The following SCN3A variants were observed in gnomAD, a reference collection of about 807,000 sequenced individuals.
The protein encoded by SCN3A is sodium channel protein type 3 subunit alpha.
Under a neutral mutation model 187.6 loss-of-function variants are expected in SCN3A, and 60 were observed. The observed-to-expected ratio is 0.32, with a 90% confidence interval of 0.26 to 0.40. The LOEUF (loss-of-function observed/expected upper bound fraction) is 0.40, where lower values mean the gene tolerates loss of function less well. Among genes scored for constraint, SCN3A ranks in the 10% least tolerant of loss-of-function variants. SCN3A has a pLI of 1.00. For synonymous variants in SCN3A, 788 were observed against 829.2 expected (o/e 0.95, Z 0.85); for missense variants, 1,601 against 2,428.2 (o/e 0.66, Z 7.16).
chr2:165,163,871 G>C (rs761496434), intron 6 of SCN3A, 162 bp from the exon 7 acceptor site: 6 of 1,613,716 alleles, frequency 3.7e-6, no homozygotes, highest in Non-Finnish European at 5.1e-6. Context: ...ACATTGCCTA[G>C]GCTTACAAAT....
intron 1 of SCN3A, among the ~76,000 whole-genome samples, chr2:165,197,378 T>C (rs1373581326): frequency 6.6e-6 from 1 of 152,112 alleles, no homozygotes; most frequent in Non-Finnish European, 1.5e-5. Flanking sequence ...ATTGCAGAGC[T>C]TTTAAGCAAA....
In SCN3A at chr2:165,146,699, C is replaced by T. The variant is rs1472517572; in HGVS notation, c.1671+40G>A. ...AAATACAAAAACTAAAAAGCAATAG[C>T]AATGACAAAGAAACCAGAGCACTTA... On this transcript the variant is annotated intron_variant, in intron 12 of 27. Transcript: ENST00000283254. The T allele has an allele frequency of 3.1e-6, 5 of 1,610,488 alleles. No individual in the cohort carries two copies. In the South Asian group the frequency reaches 3.3e-5, roughly 11 times the overall value.
At chr2:165,102,065 G>A (rs187135942) in intron 21 of SCN3A, among the ~76,000 whole-genome samples, 7 of 152,302 alleles carry the variant, frequency 4.6e-5, no homozygotes, top group Non-Finnish European at 8.8e-5. Context: ...CTTTTCCTCA[G>A]GAGGAATTAA....
chr2:165,177,285 G>T (rs1044210980), intron 2 of SCN3A, among the ~76,000 whole-genome samples: 1 of 152,082 alleles, frequency 6.6e-6, no homozygotes, highest in Non-Finnish European at 1.5e-5. Flanking sequence ...TACACTGTCC[G>T]TTCTAAACCC....
intron 21 of SCN3A, among the ~76,000 whole-genome samples, chr2:165,100,645 C>T (rs1685562976): frequency 6.6e-6 from 1 of 152,082 alleles, no homozygotes; most frequent in Admixed American, 6.5e-5. Flanking sequence ...TATTTATCAA[C>T]ACGTGTCAAT....
intron 9 of SCN3A, among the ~76,000 whole-genome samples, chr2:165,161,264 T>A (rs1310048470): frequency 6.6e-6 from 1 of 150,602 alleles, no homozygotes; most frequent in Non-Finnish European, 1.5e-5. Context: ...GTGTATTAAA[T>A]CATTAATCAT....
At chr2:165,160,642 T>C (rs2105882876) in intron 9 of SCN3A, among the ~76,000 whole-genome samples, 1 of 152,210 alleles carries the variant, frequency 6.6e-6, no homozygotes, top group Non-Finnish European at 1.5e-5. Flanking sequence ...TTAAATTTAT[T>C]AAAAAAATTT....
At chr2:165,155,662 G>C in intron 10 of SCN3A, 100 bp downstream of exon 10, 2 of 1,374,974 alleles carry the variant, frequency 1.5e-6, no homozygotes, top group Non-Finnish European at 2.1e-6. Flanking sequence ...GCCTCCCAAA[G>C]TGCTAGGGTT....
rs1397484257 is a variant in SCN3A at position 165,087,935 on chromosome 2, C to A, written c.*2215G>T. 6.6e-6 allele frequency: 1 copy of A among 152,098 alleles called. No individual in the cohort carries two copies. The highest frequency in any genetic ancestry group is 1.5e-5 in the Non-Finnish European group (1 of 67,986). 9.4% of individuals were successfully genotyped at this position (152,098 alleles called of 1,614,324 possible). Reference sequence around the variant, plus strand: ...GAACATGTGAACTTGATCCTTTGCACACATAAAAGTTCACAAAGCTGCTTT... The same window carrying A: ...GAACATGTGAACTTGATCCTTTGCAAACATAAAAGTTCACAAAGCTGCTTT... On this transcript the variant is annotated 3_prime_UTR_variant, in exon 28 of 28. Transcript: ENST00000283254.
chr2:165,130,404 C>A, intron 16 of SCN3A, 108 bp from the exon 17 acceptor site: 1 of 1,124,372 alleles, frequency 8.9e-7, no homozygotes, highest in South Asian at 1.3e-5. Context: ...TGTAAAAACT[C>A]AAAATATACT....
At chr2:165,152,999 G>GA (rs74343120) in intron 11 of SCN3A, among the ~76,000 whole-genome samples, 1,538 of 120,188 alleles carry the variant, frequency 0.013, 14 homozygotes, top group African/African-American at 0.041. Flanking sequence ...AAACAGCTTT[G>GA]AAAAAAAAAA....
intron 11 of SCN3A, among the ~76,000 whole-genome samples, chr2:165,150,537 T>A (rs764627128): frequency 6.6e-6 from 1 of 152,226 alleles, no homozygotes; most frequent in Non-Finnish European, 1.5e-5. Context: ...AAATTTTATA[T>A]GTATGAAGCT....
intron 2 of SCN3A, among the ~76,000 whole-genome samples, chr2:165,184,553 A>T (rs1691105890): frequency 6.6e-6 from 1 of 151,040 alleles, no homozygotes; most frequent in African/African-American, 2.4e-5. Context: ...AAGATTCTTG[A>T]TGTTTGCTGA....
At chr2:165,155,258 C>A (rs1253343347) in intron 10 of SCN3A, among the ~76,000 whole-genome samples, 3 of 152,124 alleles carry the variant, frequency 2.0e-5, no homozygotes, top group Non-Finnish European at 4.4e-5. Context: ...ACTCAGTGAG[C>A]AATTAGGATT....
At chr2:165,096,651 T>A in intron 23 of SCN3A, 131 bp from the exon 24 acceptor site, 1 of 587,232 alleles carries the variant, frequency 1.7e-6, no homozygotes, top group East Asian at 2.9e-5. Context: ...ATCAAGAGAT[T>A]GAAATAAAAT....
intron 18 of SCN3A, among the ~76,000 whole-genome samples, chr2:165,126,759 C>T (rs888516172): frequency 1.3e-5 from 2 of 151,816 alleles, no homozygotes; most frequent in African/African-American, 2.4e-5. Flanking sequence ...TCAAGTGAAG[C>T]TTTTAAAAGT....
chr2:165,144,152 C>T (rs1030941008), intron 12 of SCN3A, among the ~76,000 whole-genome samples: 4 of 152,146 alleles, frequency 2.6e-5, no homozygotes, highest in Non-Finnish European at 5.9e-5. Flanking sequence ...TCTTACGCTT[C>T]CTGTCCCCAC....
chr2:165,136,777 A>C (rs938751860), intron 15 of SCN3A, among the ~76,000 whole-genome samples: 2 of 152,206 alleles, frequency 1.3e-5, no homozygotes, highest in African/African-American at 4.8e-5. Context: ...AATCTCAAGA[A>C]TATGGTGGGT....
intron 21 of SCN3A, among the ~76,000 whole-genome samples, chr2:165,107,442 T>TAG (rs1023324688): frequency 6.6e-6 from 1 of 152,182 alleles, no homozygotes; most frequent in Non-Finnish European, 1.5e-5. Flanking sequence ...GAAATATATC[T>TAG]AGAGAGAGAG....
Sources: gnomAD v4.1 joint callset for allele counts (sites outside exome capture counted in the v4.1 genomes callset) on GRCh38, gnomAD v4.1.1 for gene constraint, MANE v1.5 for transcripts, NCBI Gene and HGNC (gene_info 2026-07-23, HGNC 2026-07-21) for gene names.